The following AAMDC variants were observed in gnomAD, a reference collection of about 807,000 sequenced individuals.
AAMDC encodes the protein adipogenesis associated Mth938 domain containing.
Under a neutral mutation model 15.5 loss-of-function variants are expected in AAMDC, and 16 were observed. The ratio of observed to expected loss-of-function variants is 1.03; its 90% CI spans 0.70 to 1.57. The LOEUF is 1.57. Ranked by LOEUF, AAMDC falls within the 40% of genes most tolerant of loss-of-function variation. The pLI is 0.00. For missense variants in AAMDC, 141 were observed against 144.9 expected, an observed-to-expected ratio of 0.97 and a Z score of 0.14; for synonymous variants, 51 against 51.6, an observed-to-expected ratio of 0.99 and a Z score of 0.05.
At chr11:77,828,684 AAAG>A (rs1384555428) in intron 1 of AAMDC, among the ~76,000 whole-genome samples, 1 of 151,940 alleles carries the variant, frequency 6.6e-6, no homozygotes, top group Non-Finnish European at 1.5e-5. Flanking sequence ...AAAAAAAAAA[AAAG>A]AAAGAAAATT....
chr11:77,879,166 A>G (rs780610303), intron 5 of AAMDC: 2 of 1,605,702 alleles, frequency 1.2e-6, no homozygotes, highest in Middle Eastern at 1.7e-4. Context: ...TAACTAGGCA[A>G]CTGCTAGGAA....
rs1033853340 is a variant in AAMDC at position 77,837,620 on chromosome 11, G to A, written c.-18-4859G>A. On this transcript the variant is annotated intron_variant, in intron 1 of 3. Transcript: ENST00000393427. Reference sequence around the variant, plus strand: ...CCGGCTAATTTTTGTATTTTTAGTAGAGACAGGGTTTCACCATGTTGGCCA... The same window carrying A: ...CCGGCTAATTTTTGTATTTTTAGTAAAGACAGGGTTTCACCATGTTGGCCA... 1.7e-4 allele frequency among the ~76,000 whole-genome samples: 26 copies of A among 152,062 alleles called. 1 individual carries two copies. Among genetic ancestry groups the A allele is most frequent in the Non-Finnish European group, 2.9e-5 (2 of 68,028 alleles).
chr11:77,857,318 C>T (rs1043240930), intron 2 of AAMDC, among the ~76,000 whole-genome samples: 1 of 152,084 alleles, frequency 6.6e-6, no homozygotes, highest in Non-Finnish European at 1.5e-5. Context: ...GGAGAAGTTT[C>T]CCAGGTAAAC....
intron 5 of AAMDC, among the ~76,000 whole-genome samples, chr11:77,889,136 T>C (rs1952147987): frequency 6.6e-6 from 1 of 152,164 alleles, no homozygotes; most frequent in Non-Finnish European, 1.5e-5. Flanking sequence ...ATATGTTTAT[T>C]GCGGCACCAC....
At position 77,821,761 on chromosome 11, in the gene AAMDC, C is replaced by T. The variant is rs532858380; in HGVS notation, c.-19+520C>T. The stretch of plus-strand genomic sequence containing the variant: ...GCAGTGAACATTCCCACAAAGAACG[C>T]CAGAGAGAAACTACCAATAATGTAA... On this transcript the variant is annotated intron_variant, in intron 1 of 3. Transcript: ENST00000393427. 8.5e-5 allele frequency among the ~76,000 whole-genome samples: 13 copies of T among 152,170 alleles called. No homozygotes were observed. In the South Asian group the frequency reaches 2.5e-3, roughly 29 times the overall value.
At chr11:77,904,221 C>G (rs1322528267), downstream of AAMDC, among the ~76,000 whole-genome samples, 2 of 152,176 alleles carry the variant, frequency 1.3e-5, no homozygotes, top group African/African-American at 4.8e-5. Context: ...GTGACAGCCT[C>G]TTATTTTCTC....
At chr11:77,857,045 A>G (rs1950649072) in intron 2 of AAMDC, among the ~76,000 whole-genome samples, 1 of 152,238 alleles carries the variant, frequency 6.6e-6, no homozygotes, top group East Asian at 1.9e-4. Flanking sequence ...TTAATTCACT[A>G]TGAAGTAATA....
chr11:77,847,696 A>G (rs1195970246), intron 2 of AAMDC, among the ~76,000 whole-genome samples: 2 of 152,244 alleles, frequency 1.3e-5, no homozygotes, highest in South Asian at 4.1e-4. Flanking sequence ...GAGCATCTAT[A>G]TATGCAGAAC....
At position 77,872,203 on chromosome 11, in the gene AAMDC, A is replaced by G. The variant is rs762166963; in HGVS notation, c.257A>G (p.Lys86Arg). Residue 86 changes from lysine to arginine, a missense_variant, in exon 4 of 4, where the codon AAG becomes AGG. Lys to Arg is a conservative substitution (Grantham distance 26). Coordinates refer to ENST00000393427, the MANE Select transcript of AAMDC (RefSeq NM_024684.4). The part of the protein sequence containing the change: ...KVPSSTVEYL[K>R]KHGIDVRVLQ... ...CCTTCATCAACTGTGGAGTACCTCA[A>G]GAAACATGGCATTGATGTGCGGGTC... is the stretch of plus-strand genomic sequence containing the variant. 10 of 1,613,702 alleles carry G rather than the reference A, an allele frequency of 6.2e-6. No homozygotes were observed. The South Asian group carries it at 1.1e-4, about 18-fold the overall frequency.
At chr11:77,875,580 G>A (rs560550328), downstream of AAMDC, among the ~76,000 whole-genome samples, 122 of 152,262 alleles carry the variant, frequency 8.0e-4, 1 homozygote, top group African/African-American at 2.8e-3. Flanking sequence ...TCCAATTGCT[G>A]TTATCTTCTA....
downstream of AAMDC, among the ~76,000 whole-genome samples, chr11:77,904,697 C>T (rs562336719): frequency 6.6e-6 from 1 of 152,212 alleles, no homozygotes; most frequent in East Asian, 1.9e-4. Context: ...TGTTTTTTGA[C>T]AGTTGTAGTC....
At chr11:77,896,654 A>C (rs79960904) in intron 5 of AAMDC, among the ~76,000 whole-genome samples, 1 of 101,760 alleles carries the variant, frequency 9.8e-6, no homozygotes, top group African/African-American at 4.8e-5. Flanking sequence ...CTCCGTCTCA[A>C]AAAAAAAAAA....
chr11:77,891,768 G>A (rs1323922972), intron 5 of AAMDC: 8 of 1,612,030 alleles, frequency 5.0e-6, no homozygotes, highest in Non-Finnish European at 5.9e-6. Flanking sequence ...TGGATGTCAT[G>A]AGTCGGGGCA....
chr11:77,879,942 T>A (rs933783312), intron 5 of AAMDC, among the ~76,000 whole-genome samples: 9 of 151,986 alleles, frequency 5.9e-5, no homozygotes, highest in Admixed American at 2.0e-4. Flanking sequence ...TTGGCAAAAA[T>A]CCCAAGAATC....
At chr11:77,899,289 G>A (rs1184489233) in intron 5 of AAMDC, among the ~76,000 whole-genome samples, 1 of 151,282 alleles carries the variant, frequency 6.6e-6, no homozygotes, top group African/African-American at 2.4e-5. Flanking sequence ...GAATTAGGGT[G>A]CATAACTTTC....
At chr11:77,821,547 G>A (rs1242942495) in intron 1 of AAMDC, among the ~76,000 whole-genome samples, 1 of 152,152 alleles carries the variant, frequency 6.6e-6, no homozygotes, top group Non-Finnish European at 1.5e-5. Context: ...TTGGGGCCCT[G>A]CTGGGAGAAG....
intron 5 of AAMDC, among the ~76,000 whole-genome samples, chr11:77,881,702 C>T (rs548255167): frequency 6.6e-6 from 1 of 152,274 alleles, no homozygotes; most frequent in East Asian, 1.9e-4. Context: ...ACACAGGCTA[C>T]TAAAACAATG....
rs998112952 is a variant in AAMDC, at chr11:77,879,221, T to C, written c.328+2172T>C. ...TAAAGAAATATCAAAATGGAAGCAG[T>C]AGGGAGAAATTTCTTCATCCGTCTA... On this transcript the variant is annotated intron_variant, in intron 5 of 5. Transcript: ENST00000304716. 4 of 1,368,904 alleles carry C rather than the reference T, an allele frequency of 2.9e-6. No individual in the cohort carries two copies. The Admixed American group carries it at 6.3e-5, about 22-fold the overall frequency. 84.8% of individuals were successfully genotyped at this position (1,368,904 alleles called of 1,614,324 possible).
chr11:77,854,269 G>A (rs1950520620), intron 2 of AAMDC, among the ~76,000 whole-genome samples: 1 of 152,116 alleles, frequency 6.6e-6, no homozygotes, highest in Admixed American at 6.5e-5. Flanking sequence ...TGGGATTACA[G>A]GCGTGAGCCA....
Sources: allele counts gnomAD v4.1 joint callset (sites outside exome capture counted in the v4.1 genomes callset), GRCh38; gene constraint gnomAD v4.1.1; transcripts MANE v1.5; gene names NCBI Gene and HGNC (gene_info 2026-07-23, HGNC 2026-07-21).